The following SLCO2A1 variants were observed in gnomAD, a reference collection of about 807,000 sequenced individuals.
SLCO2A1 encodes solute carrier organic anion transporter family member 2A1.
A neutral mutation model predicts 71.7 loss-of-function variants in SLCO2A1; 60 were observed. The observed-to-expected ratio is 0.84, with a 90% CI of 0.68 to 1.04. SLCO2A1 has a LOEUF of 1.04. Ranked by LOEUF, SLCO2A1 falls within the 50% of genes least tolerant of loss-of-function variation. The pLI, the probability that SLCO2A1 is intolerant of heterozygous loss-of-function variation, is 0.00. For synonymous variants in SLCO2A1, 308 were observed against 326.7 expected (o/e 0.94, Z 0.62); for missense variants, 745 against 813.4 (o/e 0.92, Z 1.02).
chr3:133,989,978 A>G (rs999549578), intron 1 of SLCO2A1, among the ~76,000 whole-genome samples: 1 of 139,498 alleles, frequency 7.2e-6, no homozygotes, highest in Non-Finnish European at 1.6e-5. Context: ...AAACCTTCAC[A>G]CTGTGTGATA....
chr3:133,942,542 A>G (rs1933451872), intron 11 of SLCO2A1, 63 bp downstream of exon 11: 8 of 1,498,260 alleles, frequency 5.3e-6, no homozygotes, highest in Middle Eastern at 2.0e-4. Context: ...CTAGGCGCAA[A>G]GTCAAAGGGA....
intron 3 of SLCO2A1, among the ~76,000 whole-genome samples, chr3:133,961,282 C>T (rs949151548): frequency 1.3e-5 from 2 of 151,706 alleles, no homozygotes; most frequent in Non-Finnish European, 2.9e-5. Flanking sequence ...AGGGTGTGTG[C>T]GTAGACACAC....
chr3:134,016,799 T>G (rs922204156), intron 1 of SLCO2A1, among the ~76,000 whole-genome samples: 1 of 152,162 alleles, frequency 6.6e-6, no homozygotes, highest in African/African-American at 2.4e-5. Flanking sequence ...CTTCAATAAG[T>G]GAACGTTTAA....
At chr3:134,013,525 T>C (rs79861937) in intron 1 of SLCO2A1, among the ~76,000 whole-genome samples, 2,178 of 152,268 alleles carry the variant, frequency 0.014, 51 homozygotes, top group African/African-American at 0.047. Flanking sequence ...GCCCAGGAAT[T>C]TTCTGATGTC....
At chr3:134,021,494 G>C (rs957076790) in intron 1 of SLCO2A1, among the ~76,000 whole-genome samples, 3 of 152,072 alleles carry the variant, frequency 2.0e-5, no homozygotes, top group Non-Finnish European at 4.4e-5. Flanking sequence ...GCTGGTTTTA[G>C]ACCCCCCGCC....
intron 1 of SLCO2A1, among the ~76,000 whole-genome samples, chr3:134,025,048 G>T (rs1398575920): frequency 1.3e-5 from 2 of 152,006 alleles, no homozygotes; most frequent in African/African-American, 4.8e-5. Context: ...TGAAGAAGAC[G>T]ACAAGCCCTG....
intron 1 of SLCO2A1, among the ~76,000 whole-genome samples, chr3:133,991,538 G>A (rs938756066): frequency 3.9e-5 from 6 of 152,168 alleles, no homozygotes; most frequent in African/African-American, 1.4e-4. Context: ...ATGACAAAAG[G>A]TATCTTTAGT....
At chr3:133,990,969 G>A (rs867570953) in intron 1 of SLCO2A1, among the ~76,000 whole-genome samples, 1 of 152,128 alleles carries the variant, frequency 6.6e-6, no homozygotes, top group African/African-American at 2.4e-5. Flanking sequence ...AATTAGCCAG[G>A]TGTGGGGGCA....
At chr3:133,985,032 T>C (rs535662802) in intron 1 of SLCO2A1, among the ~76,000 whole-genome samples, 7 of 152,310 alleles carry the variant, frequency 4.6e-5, no homozygotes, top group African/African-American at 1.7e-4. Context: ...TGGAGGGATA[T>C]TCAGTAACTT....
chr3:133,973,843 G>T lies in SLCO2A1; in HGVS notation c.235-18C>A. The T allele has an allele frequency of 6.2e-7, 1 of 1,607,644 alleles. No homozygotes were observed. The highest frequency in any genetic ancestry group is 1.1e-5 in the South Asian group (1 of 89,686). On this transcript the variant is annotated intron_variant, in intron 2 of 13. Coordinates refer to ENST00000310926, the MANE Select transcript of SLCO2A1 (RefSeq NM_005630.3). The stretch of plus-strand genomic sequence containing the variant: ...TTGCTGATCTGAGAAGAGAGCAGAA[G>T]GGCTGAGTGAGACAAGAGGCCCTGT...
intron 3 of SLCO2A1, 171 bp from the exon 4 acceptor site, chr3:133,955,364 G>GTC (rs1933861502): frequency 1.7e-6 from 1 of 596,546 alleles, no homozygotes; most frequent in African/African-American, 1.9e-5. Flanking sequence ...TGTCTGGCCA[G>GTC]CAGGAGGGAC....
intron 1 of SLCO2A1, among the ~76,000 whole-genome samples, chr3:134,018,117 C>T (rs1935499224): frequency 6.6e-6 from 1 of 152,138 alleles, no homozygotes; most frequent in Non-Finnish European, 1.5e-5. Flanking sequence ...CTGATCCTAC[C>T]CGTTCCCGTT....
intron 1 of SLCO2A1, among the ~76,000 whole-genome samples, chr3:133,996,811 G>A (rs1323775048): frequency 6.6e-6 from 1 of 152,138 alleles, no homozygotes; most frequent in Non-Finnish European, 1.5e-5. Flanking sequence ...AAAACCCAGT[G>A]TGCAACACAG....
At chr3:133,990,118 G>T (rs1471223384) in intron 1 of SLCO2A1, among the ~76,000 whole-genome samples, 3 of 152,224 alleles carry the variant, frequency 2.0e-5, no homozygotes, top group African/African-American at 7.2e-5. Flanking sequence ...GCCTCTCCGG[G>T]CTGTGCCAAG....
chr3:133,994,728 C>T (rs1934928076), intron 1 of SLCO2A1, among the ~76,000 whole-genome samples: 1 of 152,228 alleles, frequency 6.6e-6, no homozygotes, highest in South Asian at 2.1e-4. Context: ...CACATTTCAA[C>T]TCTGACTTCC....
intron 1 of SLCO2A1, among the ~76,000 whole-genome samples, chr3:133,987,586 C>G (rs141244124): frequency 2.0e-5 from 3 of 152,284 alleles, no homozygotes; most frequent in African/African-American, 7.2e-5. Flanking sequence ...TTGAAGTCTC[C>G]TGTCTCCCTA....
intron 1 of SLCO2A1, among the ~76,000 whole-genome samples, chr3:133,999,073 C>T (rs574152871): frequency 1.3e-5 from 2 of 152,332 alleles, no homozygotes; most frequent in East Asian, 3.9e-4. Flanking sequence ...CGCCAGGATG[C>T]CTTTCCTGAT....
chr3:133,951,054 TAA>T (rs1933731655), intron 6 of SLCO2A1, 152 bp downstream of exon 6: 1 of 1,000,142 alleles, frequency 1.0e-6, no homozygotes. Context: ...CCTCACCTCT[TAA>T]AGCCTCTGGG....
intron 12 of SLCO2A1, among the ~76,000 whole-genome samples, chr3:133,937,952 C>T (rs1400783512): frequency 6.6e-6 from 1 of 152,232 alleles, no homozygotes; most frequent in Non-Finnish European, 1.5e-5. Context: ...CTCTGGTGGG[C>T]TCTGGACTGC....
Sources: allele counts gnomAD v4.1 joint callset (sites outside exome capture counted in the v4.1 genomes callset), GRCh38; gene constraint gnomAD v4.1.1; transcripts MANE v1.5; gene names NCBI Gene and HGNC (gene_info 2026-07-23, HGNC 2026-07-21).